The following CD247 variants were observed in gnomAD, a reference collection of about 807,000 sequenced individuals.
CD247 encodes CD247 molecule.
A neutral mutation model predicts 30.0 loss-of-function variants in CD247; 13 were observed. That is an observed-to-expected ratio of 0.43 (90% CI 0.28 to 0.69). The LOEUF (loss-of-function observed/expected upper bound fraction) is 0.69, where lower values mean the gene tolerates loss of function less well. Among genes scored for constraint, CD247 ranks in the 30% least tolerant of loss-of-function variants. The pLI is 0.16. For synonymous variants in CD247, 72 were observed against 80.0 expected (o/e 0.90, Z 0.53); for missense variants, 193 against 212.6 (o/e 0.91, Z 0.57).
In CD247 at chr1:167,440,754, A is replaced by G; in HGVS notation, c.72T>C (p.Phe24=). 6.2e-7 allele frequency: 1 copy of G among 1,612,460 alleles called. No individual in the cohort carries two copies. ...AGCAGAGTTTGGGATCCAGCAGGCC[A>G]AAGCTCTGTGCCTCTGTGCCAAGAG... ...AQLPITEAQS[F]GLLDPKLCYL... The change falls in exon 2 of 8, where the codon TTT becomes TTC. Residue 24 remains phenylalanine (F), a synonymous_variant. Coordinates refer to ENST00000362089, the MANE Select transcript of CD247 (RefSeq NM_198053.3).
intron 4 of CD247, among the ~76,000 whole-genome samples, chr1:167,438,356 G>T (rs1246075971): frequency 6.6e-6 from 1 of 152,196 alleles, no homozygotes; most frequent in Non-Finnish European, 1.5e-5. Flanking sequence ...GGGGTGCCAC[G>T]TCCGGGGGTG....
At chr1:167,463,034 C>G (rs1485836771) in intron 1 of CD247, among the ~76,000 whole-genome samples, 1 of 152,220 alleles carries the variant, frequency 6.6e-6, no homozygotes, top group Non-Finnish European at 1.5e-5. Context: ...AATTTGGGGA[C>G]TGCTTCTTTT....
intron 1 of CD247, among the ~76,000 whole-genome samples, chr1:167,471,798 A>G (rs1571558263): frequency 6.8e-6 from 1 of 146,772 alleles, no homozygotes; most frequent in East Asian, 2.0e-4. Flanking sequence ...CCTCTTACAA[A>G]GTGATTTCTT....
intron 1 of CD247, among the ~76,000 whole-genome samples, chr1:167,441,855 A>G (rs1165177649): frequency 7.9e-5 from 12 of 152,266 alleles, no homozygotes; most frequent in Non-Finnish European, 1.8e-4. Flanking sequence ...TCACGCCTGT[A>G]ATCCCAGCAC....
At chr1:167,440,915 C>G (rs1448520496) in intron 1 of CD247, 148 bp from the exon 2 acceptor site, 1 of 681,178 alleles carries the variant, frequency 1.5e-6, no homozygotes, top group Non-Finnish European at 2.7e-6. Context: ...GATCACAACC[C>G]TCTCCCTCCC....
chr1:167,462,689 A>G (rs1653077924), intron 1 of CD247, among the ~76,000 whole-genome samples: 1 of 152,122 alleles, frequency 6.6e-6, no homozygotes, highest in South Asian at 2.1e-4. Context: ...AGTTCTCTCT[A>G]CAATGTCCAA....
At position 167,432,248 on chromosome 1, in the gene CD247, C is replaced by G. The variant is rs375222198; in HGVS notation, c.430-502G>C. Among the ~76,000 whole-genome samples, 7 of 152,314 alleles carry G rather than the reference C, an allele frequency of 4.6e-5. No individual in the cohort carries two copies. In the East Asian group the frequency reaches 1.2e-3, roughly 25 times the overall value. On this transcript the variant is annotated intron_variant, in intron 7 of 7. Transcript: ENST00000362089. ...CCTTCCCTTCCCAGGCCCGGTGATT[C>G]TAGTGTTTTCTTGGTCACGAACAGG... is the stretch of plus-strand genomic sequence containing the variant.
rs370447483 is a variant in CD247, at chr1:167,516,662, C to A, written c.58+1746G>T. Among the ~76,000 whole-genome samples the A allele has an allele frequency of 8.5e-4, 129 of 152,308 alleles. 1 individual carries two copies. The highest frequency in any genetic ancestry group is 3.0e-3 in the African/African-American group (123 of 41,574). On this transcript the variant is annotated intron_variant, in intron 1 of 7. Transcript: ENST00000362089. ...GTTTCTGGGCTAGGATATTTTGAAACACTTTTGTCTATTAGCTTTATCTAA... is the reference window on the plus strand; with the variant it reads ...GTTTCTGGGCTAGGATATTTTGAAAAACTTTTGTCTATTAGCTTTATCTAA...
intron 1 of CD247, among the ~76,000 whole-genome samples, chr1:167,513,754 T>G (rs1192855832): frequency 6.6e-6 from 1 of 152,250 alleles, no homozygotes; most frequent in Non-Finnish European, 1.5e-5. Flanking sequence ...CATATTTCTT[T>G]ATTTTTAGTT....
In CD247 at chr1:167,494,378, T is replaced by C. The variant is rs1438389881; in HGVS notation, c.58+24030A>G. Among the ~76,000 whole-genome samples the C allele has an allele frequency of 2.0e-5, 3 of 152,142 alleles. No homozygotes were observed. Among genetic ancestry groups the C allele is most frequent in the Non-Finnish European group, 4.4e-5 (3 of 68,006 alleles). On this transcript the variant is annotated intron_variant, in intron 1 of 7. Coordinates refer to ENST00000362089, the MANE Select transcript of CD247 (RefSeq NM_198053.3). The surrounding 1 kb of genome is among the most constrained non-coding windows in gnomAD (Gnocchi z 7.3). ...GGTAATTGGAACGTTCTAGAGACTGTTGGGTTGACTTGGATTTGGGGTCAA... is the reference window on the plus strand; with the variant it reads ...GGTAATTGGAACGTTCTAGAGACTGCTGGGTTGACTTGGATTTGGGGTCAA...
intron 1 of CD247, among the ~76,000 whole-genome samples, chr1:167,465,497 T>G (rs956451215): frequency 2.6e-5 from 4 of 151,914 alleles, no homozygotes; most frequent in Admixed American, 2.0e-4. Flanking sequence ...CTGGCTAATT[T>G]TTTTTGTATT....
At chr1:167,463,657 T>A (rs1723015) in intron 1 of CD247, among the ~76,000 whole-genome samples, 1 of 151,976 alleles carries the variant, frequency 6.6e-6, no homozygotes, top group Admixed American at 6.5e-5. Context: ...ACCAAAGAGT[T>A]ATTATTTTGT....
At chr1:167,446,786 G>T (rs912542332) in intron 1 of CD247, among the ~76,000 whole-genome samples, 3 of 152,282 alleles carry the variant, frequency 2.0e-5, no homozygotes, top group African/African-American at 7.2e-5. Context: ...GAGGTCAGGA[G>T]ATCGAGACCA....
At chr1:167,503,334 C>G (rs946572213) in intron 1 of CD247, among the ~76,000 whole-genome samples, 1 of 152,164 alleles carries the variant, frequency 6.6e-6, no homozygotes, top group African/African-American at 2.4e-5. Context: ...TCCTTTAATC[C>G]TCTAGCCCAG....
At chr1:167,514,405 C>T (rs1396205915) in intron 1 of CD247, among the ~76,000 whole-genome samples, 1 of 152,162 alleles carries the variant, frequency 6.6e-6, no homozygotes, top group African/African-American at 2.4e-5. Flanking sequence ...TCCCAGAGTG[C>T]ATTCAACAAT....
At chr1:167,518,328 C>G in intron 1 of CD247, 80 bp downstream of exon 1, 1 of 1,351,634 alleles carries the variant, frequency 7.4e-7, no homozygotes, top group South Asian at 1.2e-5. Flanking sequence ...CCCTCACCAC[C>G]CTCCACTACC....
At chr1:167,466,141 G>T (rs1481666165) in intron 1 of CD247, among the ~76,000 whole-genome samples, 2 of 152,252 alleles carry the variant, frequency 1.3e-5, no homozygotes, top group African/African-American at 4.8e-5. Flanking sequence ...CCAAGACTCA[G>T]ACTTAATTAA....
intron 1 of CD247, among the ~76,000 whole-genome samples, chr1:167,442,110 CA>C (rs928035184): frequency 4.0e-5 from 6 of 151,428 alleles, no homozygotes; most frequent in Non-Finnish European, 7.4e-5. Context: ...GGCTCCGTCT[CA>C]AAAAAAAATT....
intron 1 of CD247, among the ~76,000 whole-genome samples, chr1:167,447,461 G>GT (rs1476938099): frequency 6.6e-6 from 1 of 151,582 alleles, no homozygotes; most frequent in Non-Finnish European, 1.5e-5. Flanking sequence ...AATTTTCAGA[G>GT]TTAAAAAAAA....
Sources: allele counts gnomAD v4.1 joint callset (sites outside exome capture counted in the v4.1 genomes callset), GRCh38; gene constraint gnomAD v4.1.1; non-coding constraint Gnocchi (gnomAD v3.1); transcripts MANE v1.5; gene names NCBI Gene and HGNC (gene_info 2026-07-23, HGNC 2026-07-21).